The following EMSY variants were observed in gnomAD, a reference collection of about 807,000 sequenced individuals.
EMSY encodes EMSY transcriptional repressor, BRCA2 interacting, also known as BRCA2-interacting transcriptional repressor EMSY.
EMSY carries 26 observed loss-of-function variants against 134.6 expected under a neutral mutation model. The ratio of observed to expected loss-of-function variants is 0.19; its 90% CI spans 0.14 to 0.27. The LOEUF (loss-of-function observed/expected upper bound fraction) is 0.27, where lower values mean the gene tolerates loss of function less well. Ranked by LOEUF, EMSY falls within the 10% of genes least tolerant of loss-of-function variation. EMSY has a pLI of 1.00. For synonymous variants in EMSY, 579 were observed against 577.8 expected (o/e 1.00, Z -0.03); for missense variants, 1,305 against 1,611.4 (o/e 0.81, Z 3.26).
chr11:76,503,238 T>C lies in EMSY; in HGVS notation c.1363+6769T>C, dbSNP rs545060849. ...ATCACTTGTACCTGAGAGGCGGAGG[T>C]TGCAGTGAGCTGAGATTGCACCACT... On this transcript the variant is annotated intron_variant, in intron 9 of 20. Transcript: ENST00000334736. Among the ~76,000 whole-genome samples the C allele has an allele frequency of 5.5e-5, 8 of 146,590 alleles. No individual in the cohort carries two copies. The East Asian group carries it at 1.6e-3, about 29-fold the overall frequency.
intron 7 of EMSY, among the ~76,000 whole-genome samples, chr11:76,467,522 G>A (rs1013968454): frequency 2.0e-5 from 3 of 152,084 alleles, no homozygotes; most frequent in African/African-American, 7.2e-5. Context: ...AGCTGCTAAG[G>A]GTAGAGACTT....
intron 11 of EMSY, among the ~76,000 whole-genome samples, chr11:76,518,167 CTTTTT>C (rs35911259): frequency 8.4e-6 from 1 of 119,518 alleles, no homozygotes. Flanking sequence ...GAAGTACTTT[CTTTTT>C]TTTTTTTTTT....
intron 8 of EMSY, among the ~76,000 whole-genome samples, chr11:76,477,955 A>C (rs572070267): frequency 2.0e-4 from 30 of 151,982 alleles, no homozygotes; most frequent in Non-Finnish European, 4.1e-4. Flanking sequence ...TTATTTACCC[A>C]ATGTTGTGAC....
At chr11:76,541,834 T>A (rs529021922) in intron 17 of EMSY, among the ~76,000 whole-genome samples, 1 of 152,366 alleles carries the variant, frequency 6.6e-6, no homozygotes, top group East Asian at 1.9e-4. Context: ...TTACAGAAAT[T>A]GATTACTGCT....
chr11:76,462,151 A>T (rs1158600956), intron 6 of EMSY, among the ~76,000 whole-genome samples: 2 of 152,188 alleles, frequency 1.3e-5, no homozygotes, highest in Middle Eastern at 3.4e-3. Flanking sequence ...AGGCAGGAGA[A>T]TCACTTGAAT....
intron 7 of EMSY, among the ~76,000 whole-genome samples, chr11:76,468,964 TC>T (rs1212613034): frequency 6.6e-6 from 1 of 152,204 alleles, no homozygotes; most frequent in Admixed American, 6.5e-5. Flanking sequence ...CCCCTATACT[TC>T]CTCCTGTTGT....
intron 2 of EMSY, among the ~76,000 whole-genome samples, chr11:76,450,872 C>T (rs1947637702): frequency 6.6e-6 from 1 of 151,282 alleles, no homozygotes; most frequent in Non-Finnish European, 1.5e-5. Context: ...CAGCTCACTG[C>T]ATCCTTGACT....
At chr11:76,496,189 T>C (rs1949647668) in intron 8 of EMSY, 26 bp from the exon 10 acceptor site, 1 of 1,582,566 alleles carries the variant, frequency 6.3e-7, no homozygotes, top group Non-Finnish European at 8.6e-7. Context: ...TATCAAATTC[T>C]CTTTTCCCTT....
At chr11:76,460,479 A>T (rs182081813) in intron 6 of EMSY, 51 of 156,650 alleles carry the variant, frequency 3.3e-4, no homozygotes, top group Admixed American at 8.8e-4. Context: ...ATAATGTATT[A>T]TCCAGCTGTT....
rs932035123 is a variant in EMSY at position 76,449,109 on chromosome 11, C to T, written c.70+2101C>T. On this transcript the variant is annotated intron_variant, in intron 2 of 20. Coordinates refer to ENST00000334736, the Ensembl canonical transcript of EMSY. ...TATATAAATGGTTTGGCAAATCTTT[C>T]GTTTTTGGAATGTTCATATGTGTTT... Among the ~76,000 whole-genome samples, 5 of 151,982 alleles carry T rather than the reference C, an allele frequency of 3.3e-5. No homozygotes were observed. The South Asian group carries it at 8.3e-4, about 25-fold the overall frequency.
At chr11:76,494,740 CTTCCTTCCT>C (rs1350010080) in intron 8 of EMSY, among the ~76,000 whole-genome samples, 1 of 137,096 alleles carries the variant, frequency 7.3e-6, no homozygotes, top group Non-Finnish European at 1.5e-5. Context: ...CCTTCCTTTC[CTTCCTTCCT>C]TTCCTTCCTT....
chr11:76,497,974 T>G (rs934656465), intron 9 of EMSY, among the ~76,000 whole-genome samples: 7 of 152,208 alleles, frequency 4.6e-5, no homozygotes, highest in African/African-American at 7.2e-5. Flanking sequence ...TAAAGACATT[T>G]GTCACAAATT....
At chr11:76,445,544 G>A (rs929917308) in intron 1 of EMSY, among the ~76,000 whole-genome samples, 3 of 152,076 alleles carry the variant, frequency 2.0e-5, no homozygotes, top group East Asian at 1.9e-4. Context: ...TCTTGTTGTG[G>A]TGCTGCTAGG....
At chr11:76,460,299 T>G in intron 6 of EMSY, 1 of 476,642 alleles carries the variant, frequency 2.1e-6, no homozygotes, top group Non-Finnish European at 3.7e-6. Context: ...TTCATTTTCA[T>G]TGTCTGTGGG....
intron 11 of EMSY, among the ~76,000 whole-genome samples, chr11:76,518,704 T>TATATATATA (rs1555068832): frequency 1.1e-3 from 89 of 78,304 alleles, no homozygotes; most frequent in African/African-American, 2.9e-3. Context: ...TATATATATA[T>TATATATATA]TTTTTTTTTA....
intron 8 of EMSY, among the ~76,000 whole-genome samples, chr11:76,478,133 C>T (rs1185141826): frequency 1.3e-5 from 2 of 152,042 alleles, no homozygotes; most frequent in East Asian, 1.9e-4. Context: ...CACAAAATAC[C>T]TTCCCTGTGA....
chr11:76,544,115 A>G, intron 18 of EMSY, 144 bp from the exon 20 acceptor site: 1 of 796,070 alleles, frequency 1.3e-6, no homozygotes, highest in Non-Finnish European at 1.9e-6. Context: ...GTTGCAGTAG[A>G]AAGCTCCTTG....
At chr11:76,545,514 T>C (rs913360970) in intron 19 of EMSY, among the ~76,000 whole-genome samples, 19 of 152,184 alleles carry the variant, frequency 1.2e-4, no homozygotes, top group Admixed American at 3.3e-4. Context: ...TGTTTAGGGC[T>C]GTAAACCCCA....
chr11:76,549,117 G>A (rs967827802), intron 20 of EMSY, among the ~76,000 whole-genome samples: 8 of 152,218 alleles, frequency 5.3e-5, no homozygotes, highest in African/African-American at 1.9e-4. Flanking sequence ...TGGGTTGGTG[G>A]TCATGGAAGG....
Sources: gnomAD v4.1 joint callset for allele counts (sites outside exome capture counted in the v4.1 genomes callset) on GRCh38, gnomAD v4.1.1 for gene constraint, MANE v1.5 for transcripts, NCBI Gene and HGNC (gene_info 2026-07-23, HGNC 2026-07-21) for gene names.